The following INPP5A variants were observed in gnomAD, a reference collection of about 807,000 sequenced individuals.
The protein encoded by INPP5A is 43 kDa inositol polyphosphate 5-phophatase.
Under a neutral mutation model 65.2 loss-of-function variants are expected in INPP5A, and 14 were observed. The observed-to-expected ratio is 0.21, with a 90% CI of 0.14 to 0.34. The LOEUF (loss-of-function observed/expected upper bound fraction) is 0.34, where lower values mean the gene tolerates loss of function less well. Among genes scored for constraint, INPP5A ranks in the 10% least tolerant of loss-of-function variants. The pLI, the probability that INPP5A is intolerant of heterozygous loss-of-function variation, is 1.00. For synonymous variants in INPP5A, 207 were observed against 208.3 expected (o/e 0.99, Z 0.05); for missense variants, 431 against 545.6 (o/e 0.79, Z 2.09).
rs758337279 is a variant in INPP5A, at chr10:132,708,379, G to A, written c.527+14G>A. The A allele has an allele frequency of 6.2e-7, 1 of 1,612,728 alleles. No individual in the cohort carries two copies. The highest frequency in any genetic ancestry group is 8.5e-7 in the Non-Finnish European group (1 of 1,178,714). The stretch of plus-strand genomic sequence containing the variant: ...CATTGCAGACTGGTACGTGGTGTCT[G>A]TGCTTTGTCAATTTCCATAACGTTT... On this transcript the variant is annotated intron_variant, in intron 7 of 15. Transcript: ENST00000368594.
chr10:132,747,502 C>T (rs1286638973), intron 9 of INPP5A, among the ~76,000 whole-genome samples: 2 of 152,222 alleles, frequency 1.3e-5, no homozygotes, highest in African/African-American at 2.4e-5. Context: ...GTCGGGCTGC[C>T]GAAGGGCTCC....
intron 4 of INPP5A, among the ~76,000 whole-genome samples, chr10:132,666,309 T>G (rs2072801579): frequency 1.3e-5 from 2 of 152,170 alleles, no homozygotes; most frequent in African/African-American, 4.8e-5. Context: ...TTCACTGGTT[T>G]TAAATCTGAT....
At chr10:132,740,048 G>A (rs995340246) in intron 9 of INPP5A, among the ~76,000 whole-genome samples, 8 of 152,212 alleles carry the variant, frequency 5.3e-5, no homozygotes, top group African/African-American at 1.4e-4. Context: ...CCTGTGAAGC[G>A]ATTGGCTGGT....
chr10:132,635,672 C>G (rs112865347), intron 2 of INPP5A, among the ~76,000 whole-genome samples: 3,534 of 151,896 alleles, frequency 0.023, 50 homozygotes, highest in South Asian at 0.04. Flanking sequence ...TGGGATTACA[C>G]GCATGAGCCA....
intron 1 of INPP5A, among the ~76,000 whole-genome samples, chr10:132,590,995 T>A (rs971534571): frequency 6.6e-6 from 1 of 152,198 alleles, no homozygotes; most frequent in African/African-American, 2.4e-5. Context: ...CAGGCTGCTG[T>A]CACAGGGAAG....
intron 11 of INPP5A, among the ~76,000 whole-genome samples, chr10:132,760,095 C>T (rs1357395153): frequency 2.0e-5 from 3 of 152,236 alleles, no homozygotes; most frequent in Non-Finnish European, 2.9e-5. Context: ...TGAAGCTAAA[C>T]GAATTCATGT....
intron 4 of INPP5A, among the ~76,000 whole-genome samples, chr10:132,666,961 A>G (rs2072812770): frequency 1.3e-5 from 2 of 152,040 alleles, no homozygotes; most frequent in Admixed American, 1.3e-4. Context: ...TAAAAAAGTT[A>G]TTTTCATTAA....
intron 9 of INPP5A, among the ~76,000 whole-genome samples, chr10:132,731,333 G>T (rs1017253350): frequency 6.6e-6 from 1 of 151,790 alleles, no homozygotes; most frequent in Admixed American, 6.6e-5. Flanking sequence ...GAGTGACTGC[G>T]TGCCTCCTGC....
chr10:132,744,886 G>T (rs1444890445), intron 9 of INPP5A, among the ~76,000 whole-genome samples: 3 of 152,170 alleles, frequency 2.0e-5, no homozygotes, highest in Non-Finnish European at 4.4e-5. Flanking sequence ...TTGTGCAGCC[G>T]CCATGTTAGA....
At chr10:132,715,958 C>T (rs550441642) in intron 8 of INPP5A, among the ~76,000 whole-genome samples, 7 of 152,374 alleles carry the variant, frequency 4.6e-5, no homozygotes, top group African/African-American at 1.4e-4. Context: ...GTTCCGCTGC[C>T]GTGAAGCCCG....
intron 1 of INPP5A, among the ~76,000 whole-genome samples, chr10:132,593,064 A>C (rs1053914836): frequency 1.3e-5 from 2 of 152,096 alleles, no homozygotes; most frequent in African/African-American, 4.8e-5. Flanking sequence ...TATCGGGGAG[A>C]GACTGCCCTC....
chr10:132,602,455 G>A (rs2071788481), intron 1 of INPP5A, among the ~76,000 whole-genome samples: 1 of 152,020 alleles, frequency 6.6e-6, no homozygotes, highest in Admixed American at 6.6e-5. Context: ...CACCATGCCT[G>A]GCTAATTTTT....
intron 1 of INPP5A, among the ~76,000 whole-genome samples, chr10:132,583,814 G>C (rs1476186250): frequency 6.6e-6 from 1 of 152,158 alleles, no homozygotes; most frequent in African/African-American, 2.4e-5. Flanking sequence ...AGGCACAGTG[G>C]TTTATTGCTG....
intron 1 of INPP5A, among the ~76,000 whole-genome samples, chr10:132,562,458 G>T (rs1329874856): frequency 3.3e-5 from 5 of 152,260 alleles, no homozygotes; most frequent in East Asian, 3.8e-4. Flanking sequence ...TTCCTGTGAG[G>T]AGTGTGCACC....
chr10:132,733,821 C>T (rs938125986), intron 9 of INPP5A, among the ~76,000 whole-genome samples: 4 of 152,234 alleles, frequency 2.6e-5, no homozygotes, highest in Admixed American at 6.5e-5. Flanking sequence ...AGCCTCTGCG[C>T]GTGAACAAGC....
At chr10:132,564,770 G>A (rs957447836) in intron 1 of INPP5A, among the ~76,000 whole-genome samples, 1 of 152,180 alleles carries the variant, frequency 6.6e-6, no homozygotes, top group Non-Finnish European at 1.5e-5. Flanking sequence ...GGAGCTCCTG[G>A]TGGCAGATGG....
intron 2 of INPP5A, among the ~76,000 whole-genome samples, chr10:132,623,652 T>C (rs1312121952): frequency 1.3e-5 from 2 of 152,214 alleles, no homozygotes; most frequent in African/African-American, 4.8e-5. Context: ...CAAATTCAAA[T>C]ATATCATAAT....
At chr10:132,634,829 C>T (rs2072322251) in intron 2 of INPP5A, among the ~76,000 whole-genome samples, 1 of 152,214 alleles carries the variant, frequency 6.6e-6, no homozygotes, top group Non-Finnish European at 1.5e-5. Flanking sequence ...GGCAGCCCTG[C>T]CTGGCTCACC....
intron 5 of INPP5A, among the ~76,000 whole-genome samples, chr10:132,693,670 A>G (rs1845303039): frequency 6.6e-6 from 1 of 152,248 alleles, no homozygotes; most frequent in Non-Finnish European, 1.5e-5. Flanking sequence ...AAAAAACAAT[A>G]AAATGGATAA....
Sources: allele counts gnomAD v4.1 joint callset (sites outside exome capture counted in the v4.1 genomes callset), GRCh38; gene constraint gnomAD v4.1.1; transcripts MANE v1.5; gene names NCBI Gene and HGNC (gene_info 2026-07-23, HGNC 2026-07-21).